FADS3: variants seen among roughly 807,000 people sequenced by gnomAD.
The protein encoded by FADS3 is cytochrome b5-related protein.
Under a neutral mutation model 60.4 loss-of-function variants are expected in FADS3, and 30 were observed. That is an observed-to-expected ratio of 0.50 (90% CI 0.37 to 0.67). FADS3 has a LOEUF of 0.67. Ranked by LOEUF, FADS3 falls within the 30% of genes least tolerant of loss-of-function variation. FADS3 has a pLI of 0.00. For missense variants in FADS3, 432 were observed against 598.3 expected (o/e 0.72, Z 2.90); for synonymous variants, 234 against 249.3 (o/e 0.94, Z 0.58).
At chr11:61,879,543 G>A (rs1430399470) in intron 2 of FADS3, 34 bp from the exon 3 acceptor site, 7 of 1,556,780 alleles carry the variant, frequency 4.5e-6, no homozygotes, top group African/African-American at 1.3e-5. Flanking sequence ...AGCCAAGGAA[G>A]AAATTCCTCC....
rs1387189994 is a variant in FADS3, at chr11:61,877,303, C to A, written c.885+208G>T. 2.0e-5 allele frequency: 5 copies of A among 255,522 alleles called. No homozygotes were observed. The highest frequency in any genetic ancestry group is 4.8e-5 in the African/African-American group (2 of 41,750). The allele number at this position is 255,522 out of a possible 1,614,324, so 15.8% of individuals were successfully genotyped here. A position where few individuals can be genotyped will look rare whatever the true frequency, so the allele number is the denominator to read the frequency against. On this transcript the variant is annotated intron_variant, in intron 7 of 11. Coordinates refer to ENST00000278829, the MANE Select transcript of FADS3 (RefSeq NM_021727.5). This position sits in a 1 kb window ranked among gnomAD's most constrained non-coding sequence, Gnocchi z 4.7. ...ACCCACACCCCCCCTGTTCCTCAAC[C>A]CCCCCCCACCACACGTACAGTCACG...
chr11:61,885,947 C>T (rs1938299042), intron 1 of FADS3, among the ~76,000 whole-genome samples: 1 of 152,130 alleles, frequency 6.6e-6, no homozygotes, highest in Non-Finnish European at 1.5e-5. Flanking sequence ...TCAGAGGAGG[C>T]CAGTGGGGAA....
rs1021252152 is a variant in FADS3, at chr11:61,876,547, G to A, written c.984-92C>T. The A allele has an allele frequency of 3.0e-6, 3 of 990,166 alleles. No individual in the cohort carries two copies. The highest frequency in any genetic ancestry group is 1.6e-5 in the African/African-American group (1 of 63,280). 61.3% of individuals were successfully genotyped at this position (990,166 alleles called of 1,614,324 possible). Reference sequence around the variant, plus strand: ...AGAGCAGCTGTCCCCAAGTGGCCTTGACTTCCTTATCTGTACAATAGGATT... The same window carrying A: ...AGAGCAGCTGTCCCCAAGTGGCCTTAACTTCCTTATCTGTACAATAGGATT... On this transcript the variant is annotated intron_variant, in intron 8 of 11. Transcript: ENST00000278829. This position sits in a 1 kb window ranked among gnomAD's most constrained non-coding sequence, Gnocchi z 5.7.
chr11:61,881,678 G>A (rs1371565303), intron 1 of FADS3: 1 of 152,150 alleles, frequency 6.6e-6, no homozygotes. Context: ...AAGTGACAGC[G>A]GGCCCTGAAG....
chr11:61,879,278 A>G, intron 3 of FADS3, 34 bp downstream of exon 3: 5 of 1,542,050 alleles, frequency 3.2e-6, no homozygotes, highest in Non-Finnish European at 4.4e-6. Flanking sequence ...TCTGTTGGGC[A>G]GTTAAGGTGG....
chr11:61,875,089 T>C (rs1048651994), intron 11 of FADS3, among the ~76,000 whole-genome samples: 1 of 152,224 alleles, frequency 6.6e-6, no homozygotes, highest in African/African-American at 2.4e-5. Flanking sequence ...TAACCTCCAG[T>C]GGTCACCAGG....
chr11:61,891,329 G>A lies in FADS3; in HGVS notation c.53C>T (p.Ala18Val), dbSNP rs1565351309. ...GPREGPAQPG[A>V]PLPTFCWEQI... ...CTCCCAGCAGAAGGTGGGCAGCGGC[G>A]CCCCCGGCTGCGCGGGTCCCTCCCG... is the stretch of plus-strand genomic sequence containing the variant. The change falls in exon 1 of 12, where the codon GCG becomes GTG. Residue 18 changes from alanine to valine, a missense_variant. Physicochemically the swap from Ala to Val is moderately conservative, Grantham distance 64. This residue lies in a region of FADS3 where 167 missense variants were observed against 188.8 expected (regional missense o/e 0.88). Transcript: ENST00000278829. 2 of 1,514,862 alleles carry A rather than the reference G, an allele frequency of 1.3e-6. No homozygotes were observed. Among genetic ancestry groups the A allele is most frequent in the Non-Finnish European group, 1.8e-6 (2 of 1,134,504 alleles). 93.8% of individuals were successfully genotyped at this position (1,514,862 alleles called of 1,614,324 possible). A position where few individuals can be genotyped will look rare whatever the true frequency, so the allele number is the denominator to read the frequency against.
intron 1 of FADS3, chr11:61,880,474 C>T (rs1041067427): frequency 5.6e-5 from 11 of 196,550 alleles, no homozygotes; most frequent in East Asian, 1.1e-4. Context: ...TCTTGAACCA[C>T]GAAAAAAGGT....
intron 1 of FADS3, chr11:61,890,209 T>C (rs1032678619): frequency 6.6e-6 from 1 of 152,034 alleles, no homozygotes; most frequent in Non-Finnish European, 1.5e-5. Flanking sequence ...AAAGAGGGGC[T>C]TTCTTCCTCA....
rs1937969740 is a variant in FADS3, at chr11:61,877,903, G to A, written c.808+252C>T. 1 of 595,568 alleles carries A rather than the reference G, an allele frequency of 1.7e-6. No individual in the cohort carries two copies. The highest frequency in any genetic ancestry group is 3.0e-6 in the Non-Finnish European group (1 of 334,152). The allele number at this position is 595,568 out of a possible 1,614,324, so 36.9% of individuals were successfully genotyped here. On this transcript the variant is annotated intron_variant, in intron 6 of 11. Coordinates refer to ENST00000278829, the MANE Select transcript of FADS3 (RefSeq NM_021727.5). This position sits in a 1 kb window ranked among gnomAD's most constrained non-coding sequence, Gnocchi z 4.7. ...AGGGCAAGAAGAAATTCTACGTGGGGCTTGGGGAAGCTCCCAGCAGGGCTG... is the reference window on the plus strand; with the variant it reads ...AGGGCAAGAAGAAATTCTACGTGGGACTTGGGGAAGCTCCCAGCAGGGCTG...
chr11:61,874,442 A>G (rs989583930), intron 11 of FADS3, among the ~76,000 whole-genome samples: 2 of 152,124 alleles, frequency 1.3e-5, no homozygotes, highest in African/African-American at 4.8e-5. Context: ...GAGGTATAAG[A>G]CCTGGAATCT....
chr11:61,878,302 G>A (rs753731810), intron 5 of FADS3, 87 bp from the exon 6 acceptor site: 43 of 1,470,004 alleles, frequency 2.9e-5, no homozygotes, highest in Non-Finnish European at 4.0e-5. Context: ...CTGGGGCCAA[G>A]GGTCAAAGGC....
upstream of FADS3, chr11:61,891,937 G>C (rs1393427497): frequency 6.6e-6 from 1 of 152,366 alleles, no homozygotes; most frequent in East Asian, 1.9e-4. Context: ...GCGGGGCCTG[G>C]GGGGCTTCCA....
chr11:61,885,282 TG>T (rs1287882378), intron 1 of FADS3, among the ~76,000 whole-genome samples: 1 of 152,146 alleles, frequency 6.6e-6, no homozygotes, highest in African/African-American at 2.4e-5. Flanking sequence ...GAACCTGAGC[TG>T]CTATCCAGGA....
chr11:61,891,676 C>T (rs1411195230), upstream of FADS3: 1 of 157,696 alleles, frequency 6.3e-6, no homozygotes, highest in Non-Finnish European at 1.4e-5. Context: ...AATCCAGGCG[C>T]GGGGCCTCGG....
rs1014856768 is a variant in FADS3 at position 61,877,967 on chromosome 11, A to G, written c.808+188T>C. ...CTGCAAGGTGTCCCAGGCACGGGAG[A>G]CAGCTGGGGCAAAGGCATGCTGCTG... On this transcript the variant is annotated intron_variant, in intron 6 of 11. Coordinates refer to ENST00000278829, the MANE Select transcript of FADS3 (RefSeq NM_021727.5). This position sits in a 1 kb window ranked among gnomAD's most constrained non-coding sequence, Gnocchi z 4.7. 1 of 635,126 alleles carries G rather than the reference A, an allele frequency of 1.6e-6. No individual in the cohort carries two copies. The highest frequency in any genetic ancestry group is 2.7e-5 in the Admixed American group (1 of 36,902). 39.3% of individuals were successfully genotyped at this position (635,126 alleles called of 1,614,324 possible).
In FADS3 at chr11:61,873,805, G is replaced by A. The variant is rs1937765775; in HGVS notation, c.*9C>T. 1 of 1,609,402 alleles carries A rather than the reference G, an allele frequency of 6.2e-7. No individual in the cohort carries two copies. Among genetic ancestry groups the A allele is most frequent in the Non-Finnish European group, 8.5e-7 (1 of 1,178,136 alleles). On this transcript the variant is annotated 3_prime_UTR_variant, in exon 12 of 12. Coordinates refer to ENST00000278829, the MANE Select transcript of FADS3 (RefSeq NM_021727.5). ...CCTGAGCCCTTCTCTGCCCGCCTGG[G>A]TGTTGCCTTCACTGATGGAGGTAGG...
intron 1 of FADS3, among the ~76,000 whole-genome samples, chr11:61,888,051 A>T (rs1312679701): frequency 6.6e-6 from 1 of 152,190 alleles, no homozygotes; most frequent in East Asian, 1.9e-4. Context: ...GCCCTTATAT[A>T]CTTATGGCCA....
intron 1 of FADS3, among the ~76,000 whole-genome samples, chr11:61,888,281 G>A (rs1938380131): frequency 6.6e-6 from 1 of 152,242 alleles, no homozygotes; most frequent in South Asian, 2.1e-4. Flanking sequence ...TGGGCAGCCG[G>A]GGCTGGTGAG....
Sources: gnomAD v4.1 joint callset for allele counts (sites outside exome capture counted in the v4.1 genomes callset) on GRCh38, gnomAD v4.1.1 for gene constraint, gnomAD v4.1.1 regional missense constraint, Gnocchi (gnomAD v3.1) non-coding constraint, MANE v1.5 for transcripts, NCBI Gene and HGNC (gene_info 2026-07-23, HGNC 2026-07-21) for gene names.